Variants in ADGRL2 observed in about 807,000 individuals in gnomAD.
ADGRL2 encodes calcium-independent alpha-latrotoxin receptor 2.
ADGRL2 carries 44 observed loss-of-function variants against 157.4 expected under a neutral mutation model. That is an observed-to-expected ratio of 0.28 (90% CI 0.22 to 0.36). The LOEUF (loss-of-function observed/expected upper bound fraction) is 0.36, where lower values mean the gene tolerates loss of function less well. Ranked by LOEUF, ADGRL2 falls within the 10% of genes least tolerant of loss-of-function variation. The pLI is 1.00. For synonymous variants in ADGRL2, 585 were observed against 624.7 expected (o/e 0.94, Z 0.95); for missense variants, 1,510 against 1,768.9 (o/e 0.85, Z 2.63).
intron 3 of ADGRL2, among the ~76,000 whole-genome samples, chr1:81,639,515 C>T (rs903496411): frequency 1.7e-5 from 2 of 117,442 alleles, no homozygotes; most frequent in African/African-American, 3.4e-5. Context: ...ATCAGTATGG[C>T]CAATGTAGTG....
intron 2 of ADGRL2, among the ~76,000 whole-genome samples, chr1:81,480,497 T>C (rs1417851401): frequency 2.0e-5 from 3 of 152,164 alleles, no homozygotes; most frequent in African/African-American, 7.2e-5. Context: ...TTATAAGTTT[T>C]AATTTCAGAA....
At chr1:81,557,665 G>T (rs894558091) in intron 2 of ADGRL2, 1 of 152,252 alleles carries the variant, frequency 6.6e-6, no homozygotes, top group African/African-American at 2.4e-5. Context: ...CTGACTCACC[G>T]GAGAAGTTAA....
At chr1:81,390,238 T>C (rs1399277175) in intron 1 of ADGRL2, among the ~76,000 whole-genome samples, 5 of 152,302 alleles carry the variant, frequency 3.3e-5, no homozygotes, top group African/African-American at 1.2e-4. Context: ...GAATGGTGCA[T>C]GTAGCAAACG....
chr1:81,672,617 A>G (rs974715853), intron 3 of ADGRL2, among the ~76,000 whole-genome samples: 3 of 152,250 alleles, frequency 2.0e-5, no homozygotes, highest in Non-Finnish European at 4.4e-5. Context: ...TTTAACCTAG[A>G]TGAAATGTCA....
chr1:81,326,243 A>G (rs972767041), intron 1 of ADGRL2, among the ~76,000 whole-genome samples: 1 of 152,206 alleles, frequency 6.6e-6, no homozygotes, highest in Non-Finnish European at 1.5e-5. Context: ...TTTCTTTTCC[A>G]TAGACTTTAG....
chr1:81,316,116 A>G (rs1570597551), intron 1 of ADGRL2, among the ~76,000 whole-genome samples: 1 of 148,196 alleles, frequency 6.7e-6, no homozygotes, highest in South Asian at 2.1e-4. Flanking sequence ...GCATAGGATC[A>G]TCTACCAAAA....
chr1:81,946,945 A>G (rs1650073783), intron 6 of ADGRL2, among the ~76,000 whole-genome samples: 1 of 152,130 alleles, frequency 6.6e-6, no homozygotes, highest in South Asian at 2.1e-4. Flanking sequence ...ATGGAGGAAA[A>G]CCCTGGTAAT....
At chr1:81,797,167 TGAA>T, upstream of ADGRL2, among the ~76,000 whole-genome samples, 1 of 152,336 alleles carries the variant, frequency 6.6e-6, no homozygotes, top group Non-Finnish European at 1.5e-5. Context: ...CAAGTAATGA[TGAA>T]GAAAATGGAA....
chr1:81,447,069 A>G (rs183765201), intron 2 of ADGRL2, among the ~76,000 whole-genome samples: 1 of 152,256 alleles, frequency 6.6e-6, no homozygotes, highest in East Asian at 1.9e-4. Context: ...ATATTAGTCA[A>G]CATAAATTTT....
At chr1:81,607,359 G>T (rs2081455455) in intron 3 of ADGRL2, among the ~76,000 whole-genome samples, 1 of 152,182 alleles carries the variant, frequency 6.6e-6, no homozygotes, top group Admixed American at 6.5e-5. Context: ...TGCCATCATG[G>T]AATTTTTAAT....
intron 3 of ADGRL2, among the ~76,000 whole-genome samples, chr1:81,922,787 G>A (rs1471402955): frequency 2.0e-5 from 3 of 152,042 alleles, no homozygotes; most frequent in Admixed American, 6.6e-5. Context: ...AGGCGGAGGC[G>A]GGAGGAATGC....
intron 2 of ADGRL2, among the ~76,000 whole-genome samples, chr1:81,488,662 A>G (rs2078561799): frequency 6.6e-6 from 1 of 152,054 alleles, no homozygotes; most frequent in Admixed American, 6.6e-5. Flanking sequence ...AAGAAAGATC[A>G]TGCTGCTGCA....
chr1:81,490,440 T>C (rs1329972764), intron 2 of ADGRL2, among the ~76,000 whole-genome samples: 2 of 152,076 alleles, frequency 1.3e-5, no homozygotes, highest in East Asian at 3.9e-4. Flanking sequence ...CAACTTAACA[T>C]ATTCCTAAAA....
chr1:81,772,204 C>G (rs1037213207), intron 2 of ADGRL2, among the ~76,000 whole-genome samples: 2 of 144,660 alleles, frequency 1.4e-5, no homozygotes, highest in Admixed American at 1.4e-4. Context: ...GAGCCGAGAT[C>G]GTGCCACTGC....
chr1:81,962,913 C>T (rs1277109029), intron 11 of ADGRL2, among the ~76,000 whole-genome samples: 2 of 151,980 alleles, frequency 1.3e-5, no homozygotes, highest in Non-Finnish European at 2.9e-5. Context: ...TGGCATGTCT[C>T]TTCTATATAA....
In ADGRL2 at chr1:81,943,012, A is replaced by G. The variant is rs369488419; in HGVS notation, c.453A>G (p.Pro151=). Residue 151 remains proline, a synonymous_variant, in exon 6 of 24, where the codon CCA becomes CCG. Transcript: ENST00000686636. The surrounding 1 kb of genome is among the most constrained non-coding windows in gnomAD (Gnocchi z 5.6). ...CCTTGAAAGCAATTGTGGACTCACC[A>G]TGTATATATGAAGCTGAACAAAAGG... ...PGTLKAIVDS[P]CIYEAEQKAG... is the part of the protein sequence containing the mutation. 62 of 1,613,076 alleles carry G rather than the reference A, an allele frequency of 3.8e-5. No individual in the cohort carries two copies. The highest frequency in any genetic ancestry group is 4.8e-5 in the Non-Finnish European group (57 of 1,179,396).
intron 16 of ADGRL2, among the ~76,000 whole-genome samples, chr1:81,971,023 T>C (rs2149332407): frequency 6.6e-6 from 1 of 152,276 alleles, no homozygotes; most frequent in Non-Finnish European, 1.5e-5. Context: ...AATAAGTCAC[T>C]GTCTTTCGTT....
chr1:81,467,724 C>T (rs1376128065), intron 2 of ADGRL2, among the ~76,000 whole-genome samples: 1 of 152,020 alleles, frequency 6.6e-6, no homozygotes, highest in African/African-American at 2.4e-5. Context: ...GCACTTTTCA[C>T]CCTTGATTGA....
intron 3 of ADGRL2, among the ~76,000 whole-genome samples, chr1:81,919,371 A>AC (rs2094929371): frequency 6.6e-6 from 1 of 152,100 alleles, no homozygotes; most frequent in African/African-American, 2.4e-5. Context: ...AATAAATTTC[A>AC]CTAATATACT....
Sources: gnomAD v4.1 joint callset for allele counts (sites outside exome capture counted in the v4.1 genomes callset) on GRCh38, gnomAD v4.1.1 for gene constraint, Gnocchi (gnomAD v3.1) non-coding constraint, MANE v1.5 for transcripts, NCBI Gene and HGNC (gene_info 2026-07-23, HGNC 2026-07-21) for gene names.